The following HOXA3 variants were observed in gnomAD, a reference collection of about 807,000 sequenced individuals.
The protein encoded by HOXA3 is homeobox A3.
Under a neutral mutation model 30.3 loss-of-function variants are expected in HOXA3, and 8 were observed. The observed-to-expected ratio is 0.26, with a 90% CI of 0.15 to 0.48. HOXA3 has a LOEUF of 0.48. HOXA3 is among the 20% of genes least tolerant of loss of function. HOXA3 has a pLI of 0.99. For missense variants in HOXA3, 653 were observed against 614.4 expected, an observed-to-expected ratio of 1.06 and a Z score of -0.66; for synonymous variants, 323 against 273.1, an observed-to-expected ratio of 1.18 and a Z score of -1.80.
At chr7:27,123,076 G>T (rs1416651690) in intron 3 of HOXA3, 1 of 152,190 alleles carries the variant, frequency 6.6e-6, no homozygotes. Flanking sequence ...CTAACAAAAG[G>T]AAGCCTTGTC....
chr7:27,130,913 C>T (rs902356732), intron 2 of HOXA3: 3 of 658,122 alleles, frequency 4.6e-6, no homozygotes, highest in African/African-American at 1.8e-5. Context: ...AAGTTCGAGC[C>T]GCTCCTCCCC....
rs527724998 is a variant in HOXA3 at position 27,114,621 on chromosome 7, T to C, written c.-120-3861A>G. ...TGAAATGGGATGCTCTGGGCTCAGG[T>C]ACAAACAAGGGTGTTTAGAAACGCG... is the stretch of plus-strand genomic sequence containing the variant. On this transcript the variant is annotated intron_variant, in intron 4 of 5. Coordinates refer to ENST00000612286, the MANE Select transcript of HOXA3 (RefSeq NM_153631.3). 2.0e-5 allele frequency among the ~76,000 whole-genome samples: 3 copies of C among 150,228 alleles called. No individual in the cohort carries two copies. The East Asian group carries it at 6.0e-4, about 30-fold the overall frequency.
Position 27,108,467 on chromosome 7 carries a change from C to T in HOXA3, c.780G>A (p.Gly260=). ...CGGGGCTGCGACTTGGAGACTGGCC[C>T]CCCGATGACGTTAGCATGCCCTTGC... ...QKGKGMLTSS[G]GQSPSRSPVP... is the part of the protein sequence containing the mutation. The change falls in exon 6 of 6, where the codon GGG becomes GGA. Residue 260 remains glycine (G), a synonymous_variant. Coordinates refer to ENST00000612286, the MANE Select transcript of HOXA3 (RefSeq NM_153631.3). This position sits in a 1 kb window ranked among gnomAD's most constrained non-coding sequence, Gnocchi z 5.0. 1 of 1,614,106 alleles carries T rather than the reference C, an allele frequency of 6.2e-7. No homozygotes were observed. The highest frequency in any genetic ancestry group is 8.5e-7 in the Non-Finnish European group (1 of 1,179,994).
intron 1 of HOXA3, among the ~76,000 whole-genome samples, chr7:27,145,192 T>G (rs1345362709): frequency 6.6e-6 from 1 of 152,172 alleles, no homozygotes; most frequent in Non-Finnish European, 1.5e-5. Flanking sequence ...GATGATTTGA[T>G]GATGCCCTTC....
chr7:27,142,021 C>G, intron 1 of HOXA3: 1 of 1,614,226 alleles, frequency 6.2e-7, no homozygotes, highest in Non-Finnish European at 8.5e-7. Flanking sequence ...CCTTCTCCAG[C>G]TCCAGGGTCT....
chr7:27,145,902 C>T, intron 1 of HOXA3: 1 of 1,612,852 alleles, frequency 6.2e-7, no homozygotes, highest in South Asian at 1.1e-5. Context: ...GCGCCCATGG[C>T]TCCCATACAC....
intron 1 of HOXA3, chr7:27,141,777 A>G (rs1218645187): frequency 1.1e-5 from 18 of 1,579,136 alleles, no homozygotes; most frequent in Non-Finnish European, 1.6e-5. Context: ...AAGTCACCTT[A>G]GTACTGACAC....
chr7:27,147,771 T>G, intron 1 of HOXA3: 1 of 1,584,874 alleles, frequency 6.3e-7, no homozygotes. Flanking sequence ...TCTGCAGGAC[T>G]GTGATTTGTT....
intron 3 of HOXA3, among the ~76,000 whole-genome samples, chr7:27,125,655 T>C (rs374746992): frequency 2.0e-5 from 3 of 152,376 alleles, no homozygotes; most frequent in East Asian, 3.9e-4. Flanking sequence ...TGTTCTGCTA[T>C]ACAAGACTGT....
chr7:27,117,234 G>A (rs1784772553), intron 4 of HOXA3, among the ~76,000 whole-genome samples: 1 of 152,204 alleles, frequency 6.6e-6, no homozygotes, highest in Admixed American at 6.5e-5. Context: ...GTCTGCCTCT[G>A]CTTCCTGAGG....
At chr7:27,123,439 C>T (rs550015443) in intron 3 of HOXA3, 1 of 152,868 alleles carries the variant, frequency 6.5e-6, no homozygotes, top group Admixed American at 6.5e-5. Context: ...TATTTGCAAC[C>T]CTCTCTTGCC....
chr7:27,142,509 C>A (rs1782605375), intron 1 of HOXA3, among the ~76,000 whole-genome samples: 1 of 152,196 alleles, frequency 6.6e-6, no homozygotes, highest in Non-Finnish European at 1.5e-5. Context: ...CCGTTTCCAG[C>A]CTGCAGGGTT....
rs191631718 is a variant in HOXA3, at chr7:27,113,479, A to G, written c.-120-2719T>C. The G allele has an allele frequency of 2.0e-5, 3 of 152,196 alleles. No individual in the cohort carries two copies. Among genetic ancestry groups the G allele is most frequent in the African/African-American group, 4.8e-5 (2 of 41,502 alleles). 9.4% of individuals were successfully genotyped at this position (152,196 alleles called of 1,614,324 possible). Reference sequence around the variant, plus strand: ...GGGATGGGAAAGCGGCCTGAACTCGAAGTGTAAGGGTATCAGTCACTGCCG... The same window carrying G: ...GGGATGGGAAAGCGGCCTGAACTCGGAGTGTAAGGGTATCAGTCACTGCCG... On this transcript the variant is annotated intron_variant, in intron 4 of 5. Coordinates refer to ENST00000612286, the MANE Select transcript of HOXA3 (RefSeq NM_153631.3). This position sits in a 1 kb window ranked among gnomAD's most constrained non-coding sequence, Gnocchi z 4.8.
intron 1 of HOXA3, chr7:27,146,014 C>A: frequency 7.3e-7 from 1 of 1,375,788 alleles, no homozygotes; most frequent in East Asian, 2.4e-5. Context: ...GACTAGAAAC[C>A]ACCCCGCCTC....
chr7:27,111,252 G>A (rs1293685716), intron 4 of HOXA3, among the ~76,000 whole-genome samples: 1 of 152,204 alleles, frequency 6.6e-6, no homozygotes, highest in Non-Finnish European at 1.5e-5. Flanking sequence ...TTTGCCAAAA[G>A]AGCCCTGAGA....
In HOXA3 at chr7:27,152,347, G is replaced by T. The variant is rs775842908; in HGVS notation, c.-553C>A. The T allele has an allele frequency of 4.8e-6, 6 of 1,243,674 alleles. No homozygotes were observed. The South Asian group carries it at 8.0e-5, about 17-fold the overall frequency. 77.0% of individuals were successfully genotyped at this position (1,243,674 alleles called of 1,614,324 possible). ...CTGACAGCTGTCGCTTGGGCAGCCC[G>T]AGAGAAGAATTGTCCTCTTTCCTGG... On this transcript the variant is annotated 5_prime_UTR_variant, in exon 1 of 6. Transcript: ENST00000612286.
chr7:27,108,609 T>C lies in HOXA3; in HGVS notation c.638A>G (p.Asn213Ser), dbSNP rs1784167064. Residue 213 changes from asparagine (N) to serine (S), a missense_variant, in exon 6 of 6, where the codon AAC becomes AGC. Physicochemically the swap from Asn to Ser is conservative, Grantham distance 46. This residue lies in a region of HOXA3 where 320 missense variants were observed against 321.9 expected (regional missense o/e 0.99). Coordinates refer to ENST00000612286, the MANE Select transcript of HOXA3 (RefSeq NM_153631.3). This position sits in a 1 kb window ranked among gnomAD's most constrained non-coding sequence, Gnocchi z 5.0. ...LVELEKEFHF[N>S]RYLCRPRRVE... ...CCGGCGCGGCCGGCACAGGTAGCGG[T>C]TGAAGTGGAACTCTTTCTCCAGCTC... The C allele has an allele frequency of 6.2e-7, 1 of 1,614,070 alleles. No homozygotes were observed. Among genetic ancestry groups the C allele is most frequent in the South Asian group, 1.1e-5 (1 of 91,078 alleles).
intron 1 of HOXA3, chr7:27,151,733 C>A (rs2128064891): frequency 2.2e-6 from 1 of 456,124 alleles, no homozygotes; most frequent in East Asian, 6.9e-5. Context: ...CCAATTCCCA[C>A]GGAGTAGAAA....
chr7:27,132,813 A>G (rs1356547611), intron 2 of HOXA3, among the ~76,000 whole-genome samples: 5 of 152,246 alleles, frequency 3.3e-5, no homozygotes, highest in Non-Finnish European at 7.3e-5. Context: ...TCTGAACCCT[A>G]TAAGTTTCAG....
Sources: allele counts gnomAD v4.1 joint callset (sites outside exome capture counted in the v4.1 genomes callset), GRCh38; gene constraint gnomAD v4.1.1; regional missense constraint gnomAD v4.1.1; non-coding constraint Gnocchi (gnomAD v3.1); transcripts MANE v1.5; gene names NCBI Gene and HGNC (gene_info 2026-07-23, HGNC 2026-07-21).